The following DNM1 variants were observed in gnomAD, a reference collection of about 807,000 sequenced individuals.
The protein encoded by DNM1 is dynamin 1, also known as dynamin-1.
Under a neutral mutation model 104.6 loss-of-function variants are expected in DNM1, and 29 were observed. The observed-to-expected ratio is 0.28, with a 90% CI of 0.21 to 0.38. The LOEUF is 0.38. DNM1 is among the 10% of genes least tolerant of loss of function. The pLI, the probability that DNM1 is intolerant of heterozygous loss-of-function variation, is 1.00. For missense variants in DNM1, 640 were observed against 1,189.4 expected, an observed-to-expected ratio of 0.54 and a Z score of 6.79; for synonymous variants, 445 against 475.8, an observed-to-expected ratio of 0.94 and a Z score of 0.84.
intron 10 of DNM1, among the ~76,000 whole-genome samples, chr9:128,230,766 T>G (rs751342480): frequency 1.3e-5 from 2 of 151,958 alleles, no homozygotes; most frequent in Non-Finnish European, 2.9e-5. Context: ...TCATAAATTT[T>G]AGTCATGCTC....
Position 128,220,737 on chromosome 9 carries a change from G to GCGCGCGCGCGCA in DNM1, c.849+402_849+403insCGCGCACGCGCG, listed in dbSNP as rs1564330576. ...GCATCCAGAACTGAAGTGCGCGCGCGCGCGCGTGTGTGTGTGTGTGTGTGT... is the reference window on the plus strand; with the variant it reads ...GCATCCAGAACTGAAGTGCGCGCGCGCGCGCGCGCGCACGCGCGTGTGTGTGTGTGTGTGTGT... On this transcript the variant is annotated intron_variant, in intron 6 of 21. Coordinates refer to ENST00000372923, the MANE Select transcript of DNM1 (RefSeq NM_004408.4). This position sits in a 1 kb window ranked among gnomAD's most constrained non-coding sequence, Gnocchi z 5.2. Among the ~76,000 whole-genome samples the GCGCGCGCGCGCA allele has an allele frequency of 7.1e-6, 1 of 141,622 alleles. No homozygotes were observed. Among genetic ancestry groups the GCGCGCGCGCGCA allele is most frequent in the Non-Finnish European group, 1.5e-5 (1 of 65,010 alleles). The allele number at this position is 141,622 out of a possible 152,430, so 92.9% of individuals were successfully genotyped here.
At position 128,254,653 on chromosome 9, in the gene DNM1, G is replaced by A. The variant is rs1829747310; in HGVS notation, c.2535-1G>A. 1.1e-5 allele frequency: 18 copies of A among 1,595,944 alleles called. No homozygotes were observed. The highest frequency in any genetic ancestry group is 1.4e-5 in the Non-Finnish European group (16 of 1,179,598). On this transcript the variant is annotated splice_acceptor_variant, in intron 21 of 21. Coordinates refer to ENST00000372923, the MANE Select transcript of DNM1 (RefSeq NM_004408.4). LOFTEE classifies it high-confidence loss of function. This position sits in a 1 kb window ranked among gnomAD's most constrained non-coding sequence, Gnocchi z 6.1. ...CTCTCTGCTTTCTCTCCAACTGCCA[G>A]CCGATCGGGTCAGGCAAGTCCATCC...
chr9:128,249,388 A>G (rs1262087968), intron 19 of DNM1, among the ~76,000 whole-genome samples: 1 of 150,444 alleles, frequency 6.6e-6, no homozygotes, highest in African/African-American at 2.4e-5. Flanking sequence ...CGGGCGCGGT[A>G]GTTCATGCCT....
intron 11 of DNM1, among the ~76,000 whole-genome samples, chr9:128,236,344 T>A (rs988706469): frequency 6.6e-6 from 1 of 152,210 alleles, no homozygotes; most frequent in Non-Finnish European, 1.5e-5. Context: ...CATTTCCTGT[T>A]TTCACACATC....
rs538608915 is a variant in DNM1, at chr9:128,227,551, T to G, written c.1335+3162T>G. ...TGAGCACCACCATGCCTGGCTAATTTTTGTATTTTTAGTAGAGACGGGGTT... is the reference window on the plus strand; with the variant it reads ...TGAGCACCACCATGCCTGGCTAATTGTTGTATTTTTAGTAGAGACGGGGTT... On this transcript the variant is annotated intron_variant, in intron 10 of 21. Transcript: ENST00000372923. Among the ~76,000 whole-genome samples, 1,046 of 151,566 alleles carry G rather than the reference T, an allele frequency of 6.9e-3. 13 individuals are homozygous for G. The highest frequency in any genetic ancestry group is 0.024 in the African/African-American group (992 of 41,338).
At chr9:128,221,156 C>G (rs1835001108) in intron 6 of DNM1, 1 of 151,804 alleles carries the variant, frequency 6.6e-6, no homozygotes, top group South Asian at 2.1e-4. Flanking sequence ...ATGGTGCGAT[C>G]TCAGCTCACT....
chr9:128,248,252 A>G lies in DNM1; in HGVS notation c.1905+317A>G. The G allele has an allele frequency of 2.0e-6, 1 of 505,894 alleles. No homozygotes were observed. Among genetic ancestry groups the G allele is most frequent in the African/African-American group, 1.9e-5 (1 of 51,962 alleles). The allele number at this position is 505,894 out of a possible 1,614,324, so 31.3% of individuals were successfully genotyped here. ...TGAGGCAGGAGAATCGCTTGAACCC[A>G]GGAGGAGGTTGCAATGAGCCAATAC... is the stretch of plus-strand genomic sequence containing the variant. On this transcript the variant is annotated intron_variant, in intron 18 of 21. Coordinates refer to ENST00000372923, the MANE Select transcript of DNM1 (RefSeq NM_004408.4). This position sits in a 1 kb window ranked among gnomAD's most constrained non-coding sequence, Gnocchi z 5.6.
At position 128,218,417 on chromosome 9, in the gene DNM1, G is replaced by T. The variant is rs1834741814; in HGVS notation, c.235+113G>T. 2 of 1,447,622 alleles carry T rather than the reference G, an allele frequency of 1.4e-6. No individual in the cohort carries two copies. Among genetic ancestry groups the T allele is most frequent in the South Asian group, 1.1e-5 (1 of 87,430 alleles). 89.7% of individuals were successfully genotyped at this position (1,447,622 alleles called of 1,614,324 possible). Reference sequence around the variant, plus strand: ...TGCTTGCTGTGTGACTGTGGGCCTCGTTCCCCTTAGGGATAGCGGGGATCA... The same window carrying T: ...TGCTTGCTGTGTGACTGTGGGCCTCTTTCCCCTTAGGGATAGCGGGGATCA... On this transcript the variant is annotated intron_variant, in intron 2 of 21. Transcript: ENST00000372923. The surrounding 1 kb of genome is among the most constrained non-coding windows in gnomAD (Gnocchi z 4.8).
At position 128,250,887 on chromosome 9, in the gene DNM1, C is replaced by G; in HGVS notation, c.2481C>G (p.Gly827=). Reference sequence around the variant, plus strand: ...CGGGGGCTTCCCCTGACCCTTTCGGCCCTCCCCCTCAGGTGCCCTCGCGCC... The same window carrying G: ...CGGGGGCTTCCCCTGACCCTTTCGGGCCTCCCCCTCAGGTGCCCTCGCGCC... The part of the protein sequence containing the change: ...SRPGASPDPF[G]PPPQVPSRPN... The change falls in exon 21 of 22, where the codon GGC becomes GGG. Residue 827 remains glycine (G), a synonymous_variant. Transcript: ENST00000372923. 7.4e-7 allele frequency: 1 copy of G among 1,358,954 alleles called. No homozygotes were observed. Among genetic ancestry groups the G allele is most frequent in the East Asian group, 3.0e-5 (1 of 33,744 alleles). 84.2% of individuals were successfully genotyped at this position (1,358,954 alleles called of 1,614,324 possible).
At position 128,254,016 on chromosome 9, in the gene DNM1, C is replaced by A; in HGVS notation, c.2535-638C>A. On this transcript the variant is annotated intron_variant, in intron 21 of 21. Coordinates refer to ENST00000372923, the MANE Select transcript of DNM1 (RefSeq NM_004408.4). This position sits in a 1 kb window ranked among gnomAD's most constrained non-coding sequence, Gnocchi z 6.1. The stretch of plus-strand genomic sequence containing the variant: ...TTCTGCTTTTCCCAGCAGGAAGGGC[C>A]CAGCCTCACCTACGAGACCTGCAGC... 1 of 1,236,382 alleles carries A rather than the reference C, an allele frequency of 8.1e-7. No homozygotes were observed. 76.6% of individuals were successfully genotyped at this position (1,236,382 alleles called of 1,614,324 possible). A position where few individuals can be genotyped will look rare whatever the true frequency, so the allele number is the denominator to read the frequency against.
intron 4 of DNM1, 73 bp downstream of exon 4, chr9:128,219,325 G>GC: frequency 7.5e-7 from 1 of 1,335,006 alleles, no homozygotes. Flanking sequence ...GTAAAGGGGA[G>GC]CCTCTGAACG....
intron 1 of DNM1, among the ~76,000 whole-genome samples, chr9:128,211,725 G>C (rs1037735047): frequency 6.6e-6 from 1 of 152,046 alleles, no homozygotes; most frequent in Admixed American, 6.6e-5. Flanking sequence ...TTTCCTCCAA[G>C]TGTCACATCA....
chr9:128,237,779 G>A (rs1836105443), intron 11 of DNM1, among the ~76,000 whole-genome samples: 1 of 151,802 alleles, frequency 6.6e-6, no homozygotes. Context: ...TTGTTTGTTT[G>A]TTTGTTTGTT....
intron 11 of DNM1, among the ~76,000 whole-genome samples, chr9:128,237,028 A>C (rs1461924595): frequency 6.6e-6 from 1 of 152,146 alleles, no homozygotes; most frequent in Non-Finnish European, 1.5e-5. Context: ...ACATCTGTTG[A>C]GTATCTCATC....
At chr9:128,219,464 T>A (rs1834810551) in intron 4 of DNM1, among the ~76,000 whole-genome samples, 1 of 151,168 alleles carries the variant, frequency 6.6e-6, no homozygotes, top group East Asian at 1.9e-4. Flanking sequence ...AGCCCAGGAG[T>A]TCGAGACAAG....
rs763633863 is a variant in DNM1 at position 128,239,755 on chromosome 9, CAAG to C, written c.1529_1531del (p.Lys510del). On this transcript the variant is annotated inframe_deletion, in exon 13 of 22. Transcript: ENST00000372923. ...CTCAGCAGAGGAGCAACCAGATGAACAAGAAGAAGACTTCAGGGAACCAGGTGA... is the reference window on the plus strand; with the variant it reads ...CTCAGCAGAGGAGCAACCAGATGAACAAGAAGACTTCAGGGAACCAGGTGA... 8.7e-6 allele frequency: 14 copies of C among 1,613,712 alleles called. No homozygotes were observed. Among genetic ancestry groups the C allele is most frequent in the Non-Finnish European group, 1.2e-5 (14 of 1,179,912 alleles).
intron 14 of DNM1, among the ~76,000 whole-genome samples, chr9:128,241,901 G>A (rs776562727): frequency 6.6e-6 from 1 of 152,148 alleles, no homozygotes; most frequent in Non-Finnish European, 1.5e-5. Flanking sequence ...TCCAAGACTC[G>A]CAGTTGGCTT....
chr9:128,212,906 C>G (rs1834386691), intron 1 of DNM1, among the ~76,000 whole-genome samples: 1 of 152,200 alleles, frequency 6.6e-6, no homozygotes, highest in African/African-American at 2.4e-5. Context: ...AAAAAGAAAT[C>G]TTGTGCTGAT....
Position 128,246,512 on chromosome 9 carries a change from C to G in DNM1, c.1781+9C>G. 2 of 1,607,546 alleles carry G rather than the reference C, an allele frequency of 1.2e-6. No individual in the cohort carries two copies. Among genetic ancestry groups the G allele is most frequent in the Non-Finnish European group, 1.7e-6 (2 of 1,174,204 alleles). On this transcript the variant is annotated intron_variant, in intron 16 of 21. Coordinates refer to ENST00000372923, the MANE Select transcript of DNM1 (RefSeq NM_004408.4). ...TTTAACACGGAGCAGAGGTGCCTGCCTGCCCCTGGCTGTGGCTGCTGCAGC... is the reference window on the plus strand; with the variant it reads ...TTTAACACGGAGCAGAGGTGCCTGCGTGCCCCTGGCTGTGGCTGCTGCAGC...
Sources: gnomAD v4.1 joint callset for allele counts (sites outside exome capture counted in the v4.1 genomes callset) on GRCh38, gnomAD v4.1.1 for gene constraint, Gnocchi (gnomAD v3.1) non-coding constraint, MANE v1.5 for transcripts, NCBI Gene and HGNC (gene_info 2026-07-23, HGNC 2026-07-21) for gene names.